SHC3: variants seen among roughly 807,000 people sequenced by gnomAD.
The protein encoded by SHC3 is SHC adaptor protein 3.
Under a neutral mutation model 60.4 loss-of-function variants are expected in SHC3, and 15 were observed. That is an observed-to-expected ratio of 0.25 (90% CI 0.17 to 0.38). SHC3 has a LOEUF of 0.38. SHC3 is among the 10% of genes least tolerant of loss of function. The pLI is 1.00. For synonymous variants in SHC3, 294 were observed against 325.9 expected (o/e 0.90, Z 1.05); for missense variants, 677 against 786.1 (o/e 0.86, Z 1.66).
At chr9:89,150,242 T>C (rs944788826) in intron 1 of SHC3, among the ~76,000 whole-genome samples, 1 of 152,146 alleles carries the variant, frequency 6.6e-6, no homozygotes, top group Admixed American at 6.5e-5. Context: ...TCTTGGAACA[T>C]TGCCACCAGG....
At chr9:89,015,496 G>A (rs1314890606) in intron 11 of SHC3, among the ~76,000 whole-genome samples, 1 of 152,234 alleles carries the variant, frequency 6.6e-6, no homozygotes. Flanking sequence ...CCAACATGCT[G>A]CCAAAGCTGA....
rs540593911 is a variant in SHC3 at position 89,046,710 on chromosome 9, T to G, written c.1113+134A>C. On this transcript the variant is annotated intron_variant, in intron 8 of 11. Transcript: ENST00000375835. ...CATCTGCATGCCTCATGAAATCCAGTGAGAGAAAGCTCATGATTTACTGTG... is the reference window on the plus strand; with the variant it reads ...CATCTGCATGCCTCATGAAATCCAGGGAGAGAAAGCTCATGATTTACTGTG... 46 of 1,078,858 alleles carry G rather than the reference T, an allele frequency of 4.3e-5. No individual in the cohort carries two copies. In the Admixed American group the frequency reaches 5.1e-4, roughly 12 times the overall value. The allele number at this position is 1,078,858 out of a possible 1,614,324, so 66.8% of individuals were successfully genotyped here. A position where few individuals can be genotyped will look rare whatever the true frequency, so the allele number is the denominator to read the frequency against.
In SHC3 at chr9:89,052,550, C is replaced by G. The variant is rs538992629; in HGVS notation, c.836-387G>C. Among the ~76,000 whole-genome samples, 15 of 152,306 alleles carry G rather than the reference C, an allele frequency of 9.8e-5. No individual in the cohort carries two copies. In the South Asian group the frequency reaches 1.7e-3, roughly 17 times the overall value. On this transcript the variant is annotated intron_variant, in intron 6 of 11. Transcript: ENST00000375835. ...CCTGATCTCGACATGAACTAGGTCCCTTCAAACCCATGAGGCCTTAAAAAA... is the reference window on the plus strand; with the variant it reads ...CCTGATCTCGACATGAACTAGGTCCGTTCAAACCCATGAGGCCTTAAAAAA...
intron 5 of SHC3, among the ~76,000 whole-genome samples, chr9:89,066,477 T>C (rs1825183272): frequency 6.6e-6 from 1 of 152,214 alleles, no homozygotes; most frequent in Non-Finnish European, 1.5e-5. Flanking sequence ...TCTCATATAA[T>C]CAGTGCATAG....
intron 1 of SHC3, among the ~76,000 whole-genome samples, chr9:89,122,902 C>T (rs145261096): frequency 9.9e-5 from 15 of 152,260 alleles, no homozygotes; most frequent in East Asian, 3.9e-4. Context: ...AATACTATGG[C>T]GCCAGCTTTT....
intron 1 of SHC3, among the ~76,000 whole-genome samples, chr9:89,168,030 C>A (rs569968509): frequency 1.3e-5 from 2 of 152,308 alleles, no homozygotes; most frequent in Admixed American, 6.5e-5. Context: ...AGCCATGGGC[C>A]CTTGCCACTT....
chr9:89,038,295 T>C lies in SHC3; in HGVS notation c.1361-7A>G. The C allele has an allele frequency of 1.3e-6, 2 of 1,595,240 alleles. No individual in the cohort carries two copies. The highest frequency in any genetic ancestry group is 1.7e-6 in the Non-Finnish European group (2 of 1,171,460). On this transcript the variant is annotated splice_polypyrimidine_tract_variant and splice_region_variant and intron_variant, in intron 10 of 11. Transcript: ENST00000375835. ...AGAGCATCTTCAAAAGGTTCTGTCA[T>C]CAACAATATTGACCAGCAACAAGTC... is the stretch of plus-strand genomic sequence containing the variant.
intron 1 of SHC3, among the ~76,000 whole-genome samples, chr9:89,140,532 G>A (rs531845784): frequency 1.1e-4 from 17 of 152,174 alleles, no homozygotes; most frequent in African/African-American, 4.1e-4. Flanking sequence ...CCCAATAACT[G>A]CCATTAGCCA....
In SHC3 at chr9:89,075,122, G is replaced by C; in HGVS notation, c.716C>G (p.Pro239Arg). Residue 239 changes from proline to arginine, a missense_variant, in exon 4 of 12, where the codon CCG becomes CGG. By Grantham distance (103) the Pro-to-Arg change is moderately radical (BLOSUM62 -2). Coordinates refer to ENST00000375835, the MANE Select transcript of SHC3 (RefSeq NM_016848.6). ...GCACCCATGTACCTGTTTGGAGTCCGGAGTTCGCAGGTTCAGACTGGCCGT... is the reference window on the plus strand; with the variant it reads ...GCACCCATGTACCTGTTTGGAGTCCCGAGTTCGCAGGTTCAGACTGGCCGT... ...ISTASLNLRTPDSKQIIANHH... is the reference protein window; with the variant it reads ...ISTASLNLRTRDSKQIIANHH... The C allele has an allele frequency of 6.2e-7, 1 of 1,613,988 alleles. No homozygotes were observed. The highest frequency in any genetic ancestry group is 8.5e-7 in the Non-Finnish European group (1 of 1,179,920).
intron 3 of SHC3, 124 bp downstream of exon 3, chr9:89,077,716 G>T: frequency 8.6e-7 from 1 of 1,162,846 alleles, no homozygotes; most frequent in Non-Finnish European, 1.3e-6. Context: ...TCTGCTTTTA[G>T]AAGTAGCAAG....
intron 7 of SHC3, among the ~76,000 whole-genome samples, chr9:89,051,645 G>A (rs1429480941): frequency 6.6e-6 from 1 of 152,216 alleles, no homozygotes; most frequent in African/African-American, 2.4e-5. Flanking sequence ...ACCTCTTGTA[G>A]CACGACTTTG....
intron 1 of SHC3, 34 bp downstream of exon 1, chr9:89,177,953 C>T (rs1405217466): frequency 8.3e-7 from 1 of 1,199,484 alleles, no homozygotes; most frequent in Non-Finnish European, 1.0e-6. Flanking sequence ...CCCCAGAACC[C>T]CCAGCCCCCA....
At chr9:89,035,089 T>C (rs1007086249) in intron 11 of SHC3, among the ~76,000 whole-genome samples, 2 of 152,200 alleles carry the variant, frequency 1.3e-5, no homozygotes, top group Admixed American at 6.5e-5. Context: ...CTCTGTTGGA[T>C]TACCAATAAA....
At chr9:89,087,546 A>C (rs946816549) in intron 2 of SHC3, among the ~76,000 whole-genome samples, 7 of 152,194 alleles carry the variant, frequency 4.6e-5, no homozygotes, top group Non-Finnish European at 1.0e-4. Flanking sequence ...GGGATCCCAC[A>C]TGCCTGCTTC....
At chr9:89,049,878 C>A (rs1232641958) in intron 7 of SHC3, among the ~76,000 whole-genome samples, 1 of 152,260 alleles carries the variant, frequency 6.6e-6, no homozygotes, top group Non-Finnish European at 1.5e-5. Context: ...TCCTTTTTCT[C>A]TCCATAAATC....
At chr9:89,028,862 A>C (rs892246908) in intron 11 of SHC3, among the ~76,000 whole-genome samples, 14 of 147,566 alleles carry the variant, frequency 9.5e-5, no homozygotes, top group Non-Finnish European at 1.8e-4. Context: ...ATATCTATAT[A>C]TAGATTAGAT....
intron 7 of SHC3, among the ~76,000 whole-genome samples, chr9:89,049,325 G>A (rs2117916240): frequency 6.6e-6 from 1 of 152,148 alleles, no homozygotes; most frequent in Middle Eastern, 3.4e-3. Flanking sequence ...ACTTGCATTT[G>A]GAGGCGACAT....
intron 11 of SHC3, among the ~76,000 whole-genome samples, chr9:89,031,919 C>G (rs977199547): frequency 6.6e-6 from 1 of 152,174 alleles, no homozygotes; most frequent in Non-Finnish European, 1.5e-5. Flanking sequence ...GACTCATGGA[C>G]TAGAGGGAGC....
intron 2 of SHC3, 104 bp downstream of exon 2, chr9:89,112,452 C>T: frequency 8.1e-7 from 1 of 1,238,614 alleles, no homozygotes; most frequent in Non-Finnish European, 1.2e-6. Flanking sequence ...AGCCACTAAC[C>T]CTCCAAGGGC....
Sources: gnomAD v4.1 joint callset for allele counts (sites outside exome capture counted in the v4.1 genomes callset) on GRCh38, gnomAD v4.1.1 for gene constraint, MANE v1.5 for transcripts, NCBI Gene and HGNC (gene_info 2026-07-23, HGNC 2026-07-21) for gene names.